The following PRKG2 variants were observed in gnomAD, a reference collection of about 807,000 sequenced individuals.
PRKG2 encodes cGMP-dependent protein kinase 2.
PRKG2 carries 33 observed loss-of-function variants against 97.2 expected under a neutral mutation model. That is an observed-to-expected ratio of 0.34 (90% CI 0.26 to 0.45). PRKG2 has a LOEUF of 0.45. PRKG2 is among the 20% of genes least tolerant of loss of function. PRKG2 has a pLI of 1.00. For missense variants in PRKG2, 638 were observed against 900.0 expected, an observed-to-expected ratio of 0.71 and a Z score of 3.73; for synonymous variants, 330 against 321.8, an observed-to-expected ratio of 1.03 and a Z score of -0.27.
intron 15 of PRKG2, among the ~76,000 whole-genome samples, chr4:81,109,976 A>C (rs1743736079): frequency 6.6e-6 from 1 of 152,216 alleles, no homozygotes. Context: ...TTAAAATTTA[A>C]ATCCAGAAAT....
chr4:81,144,550 G>C (rs1030151579), intron 9 of PRKG2, among the ~76,000 whole-genome samples: 3 of 151,130 alleles, frequency 2.0e-5, no homozygotes, highest in Non-Finnish European at 4.4e-5. Context: ...GGCTATTAAT[G>C]AGAACAGGAA....
chr4:81,196,501 C>G (rs577311997), intron 2 of PRKG2, among the ~76,000 whole-genome samples: 1 of 152,268 alleles, frequency 6.6e-6, no homozygotes, highest in Non-Finnish European at 1.5e-5. Flanking sequence ...CTTGTACTTC[C>G]TCTTTCCTCA....
intron 17 of PRKG2, among the ~76,000 whole-genome samples, chr4:81,097,852 T>G (rs1333177732): frequency 6.6e-6 from 1 of 152,162 alleles, no homozygotes; most frequent in East Asian, 1.9e-4. Context: ...GGGTTAGAAT[T>G]TTGCTCTGGA....
At chr4:81,151,200 C>T (rs187331749) in intron 8 of PRKG2, among the ~76,000 whole-genome samples, 1 of 152,170 alleles carries the variant, frequency 6.6e-6, no homozygotes, top group Admixed American at 6.5e-5. Context: ...TGCATTTAAT[C>T]ATATGTAAAT....
intron 6 of PRKG2, among the ~76,000 whole-genome samples, chr4:81,155,321 AG>A (rs1748951490): frequency 6.6e-6 from 1 of 152,074 alleles, no homozygotes; most frequent in South Asian, 2.1e-4. Flanking sequence ...GCTGGAAGAA[AG>A]GGTATCAGCA....
chr4:81,155,127 G>A (rs1384110525), intron 6 of PRKG2, among the ~76,000 whole-genome samples: 3 of 135,736 alleles, frequency 2.2e-5, no homozygotes, highest in Non-Finnish European at 3.0e-5. Context: ...GCAGTGAGCC[G>A]AGATCCCGCC....
intron 2 of PRKG2, among the ~76,000 whole-genome samples, chr4:81,178,798 C>CT (rs1161638602): frequency 6.6e-6 from 1 of 151,610 alleles, no homozygotes; most frequent in Admixed American, 6.6e-5. Flanking sequence ...AATAATTGAG[C>CT]TGAAACAATA....
At chr4:81,106,621 G>A (rs769371194) in intron 15 of PRKG2, among the ~76,000 whole-genome samples, 4 of 152,212 alleles carry the variant, frequency 2.6e-5, no homozygotes, top group Non-Finnish European at 5.9e-5. Context: ...GCCTAGCATA[G>A]TAATGTTGAA....
intron 14 of PRKG2, among the ~76,000 whole-genome samples, chr4:81,121,709 A>G (rs1035116410): frequency 1.3e-5 from 2 of 152,126 alleles, no homozygotes; most frequent in Admixed American, 6.6e-5. Flanking sequence ...TTAGTAATTT[A>G]TATCTTCACT....
chr4:81,117,209 T>C (rs1169255250), intron 14 of PRKG2, among the ~76,000 whole-genome samples: 1 of 151,954 alleles, frequency 6.6e-6, no homozygotes, highest in African/African-American at 2.4e-5. Context: ...CCCAGGCTGA[T>C]CTTGAACTCC....
intron 10 of PRKG2, among the ~76,000 whole-genome samples, chr4:81,143,570 A>G (rs1747511286): frequency 6.6e-6 from 1 of 152,172 alleles, no homozygotes. Flanking sequence ...ATAAATTATT[A>G]CCACAAAAGG....
intron 9 of PRKG2, among the ~76,000 whole-genome samples, chr4:81,146,343 C>A (rs1166208456): frequency 6.6e-6 from 1 of 152,128 alleles, no homozygotes; most frequent in Admixed American, 6.6e-5. Context: ...TACATTAATT[C>A]AGATGCTATA....
intron 2 of PRKG2, among the ~76,000 whole-genome samples, chr4:81,200,185 C>G (rs1753215228): frequency 6.6e-6 from 1 of 152,168 alleles, no homozygotes; most frequent in African/African-American, 2.4e-5. Flanking sequence ...TGTCTTGGTG[C>G]TCAAGGCAGA....
intron 10 of PRKG2, among the ~76,000 whole-genome samples, chr4:81,143,589 G>A (rs1418536255): frequency 3.3e-5 from 5 of 152,040 alleles, no homozygotes; most frequent in Non-Finnish European, 5.9e-5. Flanking sequence ...GGCCTTCAGC[G>A]TAAAAATTGC....
At chr4:81,186,573 A>G (rs1002920422) in intron 2 of PRKG2, among the ~76,000 whole-genome samples, 3 of 152,186 alleles carry the variant, frequency 2.0e-5, no homozygotes, top group Non-Finnish European at 2.9e-5. Context: ...CTAGAGAAGC[A>G]AGAGCAAACA....
intron 17 of PRKG2, among the ~76,000 whole-genome samples, chr4:81,099,639 C>T (rs966176903): frequency 1.3e-5 from 2 of 151,820 alleles, no homozygotes; most frequent in South Asian, 2.1e-4. Flanking sequence ...AGCATTCCCT[C>T]TGAAAACTGG....
chr4:81,193,451 C>T (rs982516977), intron 2 of PRKG2: 2 of 152,128 alleles, frequency 1.3e-5, no homozygotes, highest in Non-Finnish European at 2.9e-5. Flanking sequence ...AAGAACTGTG[C>T]CTGGTACATA....
chr4:81,093,228 A>G (rs1018894148), intron 17 of PRKG2, among the ~76,000 whole-genome samples: 1 of 151,682 alleles, frequency 6.6e-6, no homozygotes, highest in Non-Finnish European at 1.5e-5. Context: ...AGGCCTTTGT[A>G]CTCAAGGCTG....
chr4:81,108,874 G>A (rs935814348), intron 15 of PRKG2, among the ~76,000 whole-genome samples: 1 of 152,112 alleles, frequency 6.6e-6, no homozygotes, highest in Non-Finnish European at 1.5e-5. Flanking sequence ...TGCAGCCTGG[G>A]TGACAGAGTG....
Sources: allele counts gnomAD v4.1 joint callset (sites outside exome capture counted in the v4.1 genomes callset), GRCh38; gene constraint gnomAD v4.1.1; transcripts MANE v1.5; gene names NCBI Gene and HGNC (gene_info 2026-07-23, HGNC 2026-07-21).